FN3KRP: variants seen among roughly 807,000 people sequenced by gnomAD.
The protein encoded by FN3KRP is ketosamine-3-kinase.
FN3KRP carries 33 observed loss-of-function variants against 29.8 expected under a neutral mutation model. That is an observed-to-expected ratio of 1.11 (90% CI 0.84 to 1.48). The LOEUF is 1.48. Ranked by LOEUF, FN3KRP falls within the 40% of genes most tolerant of loss-of-function variation. The pLI, the probability that FN3KRP is intolerant of heterozygous loss-of-function variation, is 0.00. For synonymous variants in FN3KRP, 157 were observed against 155.2 expected, an observed-to-expected ratio of 1.01 and a Z score of -0.09; for missense variants, 430 against 402.6, an observed-to-expected ratio of 1.07 and a Z score of -0.58.
intron 5 of FN3KRP, 47 bp from the exon 6 acceptor site, chr17:82,726,786 A>T: frequency 6.6e-7 from 1 of 1,509,306 alleles, no homozygotes; most frequent in Non-Finnish European, 8.9e-7. Flanking sequence ...GGCGCCCCTC[A>T]TGCACGCGTT....
At chr17:82,722,034 A>G (rs1183505958) in intron 3 of FN3KRP, among the ~76,000 whole-genome samples, 6 of 147,544 alleles carry the variant, frequency 4.1e-5, no homozygotes, top group African/African-American at 1.3e-4. Context: ...GGGTTTCTCC[A>G]TGTTGGTCAG....
intron 2 of FN3KRP, among the ~76,000 whole-genome samples, chr17:82,719,416 A>G (rs746989528): frequency 2.0e-5 from 3 of 152,254 alleles, no homozygotes; most frequent in Non-Finnish European, 4.4e-5. Context: ...TCTGCAACCA[A>G]GGGCAGAAGC....
In FN3KRP at chr17:82,727,430, C is replaced by A; in HGVS notation, c.*259C>A. Reference sequence around the variant, plus strand: ...GTATGGAGTGTGGGTGACTCTGAGCCTCACTGCTGCTGCAAGGTGGGGAAA... The same window carrying A: ...GTATGGAGTGTGGGTGACTCTGAGCATCACTGCTGCTGCAAGGTGGGGAAA... On this transcript the variant is annotated 3_prime_UTR_variant, in exon 6 of 6. Coordinates refer to ENST00000269373, the MANE Select transcript of FN3KRP (RefSeq NM_024619.4). The A allele has an allele frequency of 2.8e-6, 1 of 353,626 alleles. No individual in the cohort carries two copies. The highest frequency in any genetic ancestry group is 4.6e-5 in the East Asian group (1 of 21,884). 21.9% of individuals were successfully genotyped at this position (353,626 alleles called of 1,614,324 possible).
Position 82,723,695 on chromosome 17 carries a change from G to A in FN3KRP, c.468+809G>A, listed in dbSNP as rs115872707. Reference sequence around the variant, plus strand: ...CATGTATGTGTGCAGGCGTGTGTGCGCATGACTGTGTGCCTGATGCATGAT... The same window carrying A: ...CATGTATGTGTGCAGGCGTGTGTGCACATGACTGTGTGCCTGATGCATGAT... On this transcript the variant is annotated intron_variant, in intron 4 of 5. Coordinates refer to ENST00000269373, the MANE Select transcript of FN3KRP (RefSeq NM_024619.4). Among the ~76,000 whole-genome samples the A allele has an allele frequency of 3.8e-3, 577 of 152,288 alleles. 6 individuals are homozygous for A. The highest frequency in any genetic ancestry group is 0.012 in the African/African-American group (512 of 41,538).
intron 4 of FN3KRP, among the ~76,000 whole-genome samples, 180 bp downstream of exon 4, chr17:82,723,066 A>G (rs912615922): frequency 2.0e-5 from 3 of 152,234 alleles, no homozygotes; most frequent in African/African-American, 7.2e-5. Context: ...CTAGGTAAGC[A>G]TGAAGAAACT....
rs914047814 is a variant in FN3KRP, at chr17:82,726,023, C to A, written c.469-457C>A. Among the ~76,000 whole-genome samples, 61 of 151,908 alleles carry A rather than the reference C, an allele frequency of 4.0e-4. 1 individual carries two copies. Among genetic ancestry groups the A allele is most frequent in the Admixed American group, 1.4e-3 (22 of 15,248 alleles). On this transcript the variant is annotated intron_variant, in intron 4 of 5. Coordinates refer to ENST00000269373, the MANE Select transcript of FN3KRP (RefSeq NM_024619.4). Reference sequence around the variant, plus strand: ...CGAAACCCCGTCTCTACTAAAAATACAAAAAAATTAGCCGGGCGTGGTGGT... The same window carrying A: ...CGAAACCCCGTCTCTACTAAAAATAAAAAAAAATTAGCCGGGCGTGGTGGT...
In FN3KRP at chr17:82,727,287, A is replaced by G; in HGVS notation, c.*116A>G. 2.2e-6 allele frequency: 2 copies of G among 902,498 alleles called. No individual in the cohort carries two copies. Among genetic ancestry groups the G allele is most frequent in the Admixed American group, 2.5e-5 (1 of 39,398 alleles). 55.9% of individuals were successfully genotyped at this position (902,498 alleles called of 1,614,324 possible). A position where few individuals can be genotyped will look rare whatever the true frequency, so the allele number is the denominator to read the frequency against. ...AGACCAATGCAGTAGCTTATTTCCA[A>G]GCCTTGCAAAGTATATAATATCTAA... On this transcript the variant is annotated 3_prime_UTR_variant, in exon 6 of 6. Coordinates refer to ENST00000269373, the MANE Select transcript of FN3KRP (RefSeq NM_024619.4).
intron 4 of FN3KRP, among the ~76,000 whole-genome samples, chr17:82,723,797 T>C (rs2046818534): frequency 6.6e-6 from 1 of 152,020 alleles, no homozygotes; most frequent in Non-Finnish European, 1.5e-5. Context: ...GTGACCTGGA[T>C]GTCCTTTCTC....
In FN3KRP at chr17:82,718,911, A is replaced by AAGAATGTTTG. The variant is rs2046778149; in HGVS notation, c.149_158dup (p.Gly54AsnfsTer3). 1 of 1,613,582 alleles carries AAGAATGTTTG rather than the reference A, an allele frequency of 6.2e-7. No individual in the cohort carries two copies. Among genetic ancestry groups the AAGAATGTTTG allele is most frequent in the Non-Finnish European group, 8.5e-7 (1 of 1,179,590 alleles). On this transcript the variant is annotated frameshift_variant, in exon 2 of 6. Coordinates refer to ENST00000269373, the MANE Select transcript of FN3KRP (RefSeq NM_024619.4). LOFTEE classifies it high-confidence loss of function. ...CTCTCGTATTTTTCTGACAGGCCAG[A>AAGAATGTTTG]AGAATGTTTGAAGGTGAGATGGCAA...
chr17:82,718,640 C>T (rs2046776549), intron 1 of FN3KRP: 3 of 1,239,070 alleles, frequency 2.4e-6, no homozygotes, highest in Middle Eastern at 3.2e-4. Context: ...ATTTTCCTCT[C>T]TCCAGAGAAC....
intron 4 of FN3KRP, 44 bp downstream of exon 4, chr17:82,722,930 G>T (rs1260401167): frequency 1.1e-5 from 17 of 1,563,404 alleles, no homozygotes; most frequent in Non-Finnish European, 1.4e-5. Flanking sequence ...CAGGTCAGCT[G>T]TTCAGACACA....
intron 4 of FN3KRP, among the ~76,000 whole-genome samples, chr17:82,724,136 T>C (rs138621805): frequency 5.9e-4 from 88 of 150,338 alleles, no homozygotes; most frequent in African/African-American, 1.8e-3. Context: ...CTAGTAAAAA[T>C]ACAAAAAATT....
chr17:82,717,024 G>A (rs1024239093), intron 1 of FN3KRP, 128 bp downstream of exon 1: 85 of 1,163,154 alleles, frequency 7.3e-5, no homozygotes, highest in Non-Finnish European at 9.9e-5. Flanking sequence ...GACTGCCGCC[G>A]CCGCCCCTTG....
At chr17:82,717,281 C>G (rs1054505139) in intron 1 of FN3KRP, among the ~76,000 whole-genome samples, 2 of 152,208 alleles carry the variant, frequency 1.3e-5, no homozygotes, top group Admixed American at 6.5e-5. Flanking sequence ...GCCGGGGAAG[C>G]TGCTTAAGTC....
At chr17:82,721,657 C>T (rs2046799106) in intron 3 of FN3KRP, among the ~76,000 whole-genome samples, 1 of 151,584 alleles carries the variant, frequency 6.6e-6, no homozygotes, top group Admixed American at 6.6e-5. Context: ...CGCCTGCCAC[C>T]ACGCCTGGCT....
chr17:82,725,738 C>T (rs3103404), intron 4 of FN3KRP, among the ~76,000 whole-genome samples: 151,430 of 152,382 alleles, frequency 0.99, 75,248 homozygotes, highest in East Asian at 1. Flanking sequence ...CATATTTACA[C>T]GTATGCAAAA....
Position 82,716,760 on chromosome 17 carries a change from A to T in FN3KRP, c.5A>T (p.Glu2Val). Residue 2 changes from glutamate to valine, a missense_variant, in exon 1 of 6, where the codon GAG (glutamate) becomes GTG (valine). Physicochemically the swap from Glu to Val is moderately radical, Grantham distance 121 (BLOSUM62 -2). Coordinates refer to ENST00000269373, the MANE Select transcript of FN3KRP (RefSeq NM_024619.4). ...GTCCGCGGCCGCGGCGGGAACATGG[A>T]GGAGCTCCTGAGGCGCGAGCTGGGC... M[E>V]ELLRRELGCS... 2 of 1,508,908 alleles carry T rather than the reference A, an allele frequency of 1.3e-6. No individual in the cohort carries two copies. Among genetic ancestry groups the T allele is most frequent in the Non-Finnish European group, 1.8e-6 (2 of 1,136,704 alleles). The allele number at this position is 1,508,908 out of a possible 1,614,324, so 93.5% of individuals were successfully genotyped here.
intron 3 of FN3KRP, chr17:82,720,937 A>G (rs1444948998): frequency 6.6e-6 from 1 of 152,450 alleles, no homozygotes; most frequent in Non-Finnish European, 1.5e-5. Context: ...GTGAGGGTCC[A>G]TGACGGATCC....
chr17:82,723,371 T>C (rs1458952929), intron 4 of FN3KRP, among the ~76,000 whole-genome samples: 1 of 151,680 alleles, frequency 6.6e-6, no homozygotes, highest in Non-Finnish European at 1.5e-5. Context: ...AGAAAGACTT[T>C]GAAATGTTGA....
Sources: gnomAD v4.1 joint callset for allele counts (sites outside exome capture counted in the v4.1 genomes callset) on GRCh38, gnomAD v4.1.1 for gene constraint, MANE v1.5 for transcripts, NCBI Gene and HGNC (gene_info 2026-07-23, HGNC 2026-07-21) for gene names.